Variants in SLC25A13 observed in about 807,000 individuals in gnomAD.
SLC25A13 encodes the protein electrogenic aspartate/glutamate antiporter SLC25A13, mitochondrial.
A neutral mutation model predicts 85.5 loss-of-function variants in SLC25A13; 70 were observed. The observed-to-expected ratio is 0.82, with a 90% confidence interval of 0.68 to 1.00. SLC25A13 has a LOEUF of 1.00. Ranked by LOEUF, SLC25A13 falls within the 50% of genes least tolerant of loss-of-function variation. The pLI, the probability that SLC25A13 is intolerant of heterozygous loss-of-function variation, is 0.00. For missense variants in SLC25A13, 765 were observed against 819.8 expected (o/e 0.93, Z 0.82); for synonymous variants, 259 against 288.7 (o/e 0.90, Z 1.04).
intron 2 of SLC25A13, among the ~76,000 whole-genome samples, chr7:96,292,084 A>C (rs1008411035): frequency 6.6e-6 from 1 of 152,232 alleles, no homozygotes; most frequent in African/African-American, 2.4e-5. Context: ...ATCCACCATG[A>C]TAAAGTGGGC....
chr7:96,276,645 C>T (rs1442900556), intron 3 of SLC25A13, among the ~76,000 whole-genome samples: 1 of 151,928 alleles, frequency 6.6e-6, no homozygotes, highest in Admixed American at 6.6e-5. Context: ...GAAAAAAGTT[C>T]CAACAAAATG....
At chr7:96,161,421 T>C (rs989956477) in intron 13 of SLC25A13, among the ~76,000 whole-genome samples, 1 of 152,204 alleles carries the variant, frequency 6.6e-6, no homozygotes, top group Admixed American at 6.5e-5. Flanking sequence ...TAACATGGTA[T>C]ACAGAGTCAC....
chr7:96,267,337 T>C (rs1798072525), intron 3 of SLC25A13, among the ~76,000 whole-genome samples: 1 of 152,346 alleles, frequency 6.6e-6, no homozygotes, highest in African/African-American at 2.4e-5. Context: ...AAAGGCCATA[T>C]ATTCTTTCCT....
At chr7:96,223,789 GAAAAAAAAAA>G (rs56882933) in intron 4 of SLC25A13, among the ~76,000 whole-genome samples, 1 of 94,208 alleles carries the variant, frequency 1.1e-5, no homozygotes, top group African/African-American at 3.9e-5. Context: ...CTCCATCTCT[GAAAAAAAAAA>G]AAAAAAAAAA....
intron 4 of SLC25A13, among the ~76,000 whole-genome samples, chr7:96,227,988 C>T (rs10262388): frequency 0.34 from 51,429 of 151,888 alleles, 9,178 homozygotes; most frequent in East Asian, 0.59. Context: ...CCTCAGCCTC[C>T]TGAGTAGCTG....
At chr7:96,301,049 A>G (rs1357185951) in intron 1 of SLC25A13, among the ~76,000 whole-genome samples, 1 of 152,252 alleles carries the variant, frequency 6.6e-6, no homozygotes, top group Non-Finnish European at 1.5e-5. Flanking sequence ...GTGTATTTCA[A>G]TGAATTCTAC....
Position 96,244,079 on chromosome 7 carries a change from C to A in SLC25A13, c.213-9162G>T, listed in dbSNP as rs75852058. On this transcript the variant is annotated intron_variant, in intron 3 of 17. Coordinates refer to ENST00000265631, the MANE Select transcript of SLC25A13 (RefSeq NM_014251.3). ...GGGTCGTAGCAAGAGAACCAAGGAG[C>A]AGTCAAATCTGGGATACATTTTCTA... is the stretch of plus-strand genomic sequence containing the variant. Among the ~76,000 whole-genome samples, 1,419 of 152,222 alleles carry A rather than the reference C, an allele frequency of 9.3e-3. 20 individuals are homozygous for A. The highest frequency in any genetic ancestry group is 0.031 in the African/African-American group (1,289 of 41,512).
At chr7:96,129,022 T>C (rs1443207438) in intron 15 of SLC25A13, among the ~76,000 whole-genome samples, 1 of 149,412 alleles carries the variant, frequency 6.7e-6, no homozygotes, top group Non-Finnish European at 1.5e-5. Flanking sequence ...GTTGTGAGGG[T>C]ATCCAAGTTG....
intron 14 of SLC25A13, among the ~76,000 whole-genome samples, chr7:96,137,769 C>T (rs1584357783): frequency 2.6e-5 from 4 of 152,196 alleles, no homozygotes; most frequent in East Asian, 1.9e-4. Context: ...GGACTACAGG[C>T]GTGCGCCACC....
At chr7:96,318,635 C>T (rs904088040) in intron 1 of SLC25A13, among the ~76,000 whole-genome samples, 4 of 152,162 alleles carry the variant, frequency 2.6e-5, no homozygotes, top group African/African-American at 9.7e-5. Flanking sequence ...CAGCCAAAGA[C>T]TAGATTCTCC....
chr7:96,176,606 G>A (rs776524788), intron 11 of SLC25A13, among the ~76,000 whole-genome samples: 3 of 152,164 alleles, frequency 2.0e-5, no homozygotes, highest in Non-Finnish European at 2.9e-5. Flanking sequence ...AGTCCCTTGC[G>A]CAAACCAAGG....
chr7:96,261,217 C>T (rs1247718044), intron 3 of SLC25A13, among the ~76,000 whole-genome samples: 1 of 152,156 alleles, frequency 6.6e-6, no homozygotes, highest in Non-Finnish European at 1.5e-5. Flanking sequence ...TCGACCATAG[C>T]ACTTTAATAA....
chr7:96,276,271 G>A (rs978067602), intron 3 of SLC25A13, among the ~76,000 whole-genome samples: 6 of 152,258 alleles, frequency 3.9e-5, no homozygotes, highest in East Asian at 1.9e-4. Flanking sequence ...AAAATTCTTC[G>A]TGTAATGGTA....
chr7:96,146,477 A>T, intron 14 of SLC25A13, 79 bp downstream of exon 14: 1 of 1,560,964 alleles, frequency 6.4e-7, no homozygotes, highest in Admixed American at 1.8e-5. Flanking sequence ...AAAAAAATGG[A>T]TTTCATGTTG....
chr7:96,138,708 A>G (rs1792397658), intron 14 of SLC25A13, among the ~76,000 whole-genome samples: 1 of 152,190 alleles, frequency 6.6e-6, no homozygotes, highest in South Asian at 2.1e-4. Context: ...AGGCAATGAT[A>G]CTGTACACAT....
chr7:96,228,551 T>C (rs371589044), intron 4 of SLC25A13, among the ~76,000 whole-genome samples: 4 of 152,212 alleles, frequency 2.6e-5, no homozygotes, highest in African/African-American at 9.6e-5. Flanking sequence ...GAGGTGACAA[T>C]GTGCTGGCAG....
chr7:96,202,627 A>G (rs1584449251), intron 5 of SLC25A13, among the ~76,000 whole-genome samples: 1 of 152,210 alleles, frequency 6.6e-6, no homozygotes, highest in Non-Finnish European at 1.5e-5. Flanking sequence ...GGCGACATAA[A>G]GTGCAGAACA....
Position 96,170,014 on chromosome 7 carries a change from T to C in SLC25A13, c.1311+31A>G. On this transcript the variant is annotated intron_variant, in intron 13 of 17. Coordinates refer to ENST00000265631, the MANE Select transcript of SLC25A13 (RefSeq NM_014251.3). ...GTGATATATATGTGAAACAAGTCTT[T>C]TCAATGAAGAGAGCTTCAAAAGGTA... 1.9e-6 allele frequency: 3 copies of C among 1,606,146 alleles called. No homozygotes were observed. In the South Asian group the frequency reaches 3.3e-5, roughly 18 times the overall value.
intron 3 of SLC25A13, among the ~76,000 whole-genome samples, chr7:96,273,399 T>C (rs1042022517): frequency 1.3e-5 from 2 of 152,206 alleles, no homozygotes; most frequent in South Asian, 2.1e-4. Context: ...TCTGCAAATA[T>C]ACTTGAAAGT....
Sources: allele counts gnomAD v4.1 joint callset (sites outside exome capture counted in the v4.1 genomes callset), GRCh38; gene constraint gnomAD v4.1.1; transcripts MANE v1.5; gene names NCBI Gene and HGNC (gene_info 2026-07-23, HGNC 2026-07-21).